Variants in NOC3L observed in about 807,000 individuals in gnomAD.
NOC3L encodes nucleolar complex protein 3 homolog.
NOC3L carries 85 observed loss-of-function variants against 102.5 expected under a neutral mutation model. That is an observed-to-expected ratio of 0.83 (90% CI 0.70 to 0.99). The LOEUF (loss-of-function observed/expected upper bound fraction) is 0.99, where lower values mean the gene tolerates loss of function less well. NOC3L is among the 50% of genes least tolerant of loss of function. The probability of loss-of-function intolerance (pLI) is 0.00; values close to 1 mark genes in which losing one functional copy is unlikely to be tolerated. For missense variants in NOC3L, 878 were observed against 914.9 expected (o/e 0.96, Z 0.52); for synonymous variants, 303 against 309.4 (o/e 0.98, Z 0.22).
intron 6 of NOC3L, among the ~76,000 whole-genome samples, chr10:94,353,900 T>C (rs1311056869): frequency 4.6e-5 from 7 of 152,234 alleles, no homozygotes; most frequent in African/African-American, 1.7e-4. Context: ...AGATAATTTC[T>C]ATGATGGTTT....
At chr10:94,346,096 G>C (rs1023104766) in intron 11 of NOC3L, among the ~76,000 whole-genome samples, 1 of 152,148 alleles carries the variant, frequency 6.6e-6, no homozygotes, top group East Asian at 1.9e-4. Context: ...AACTCACTTT[G>C]CTGCCAACTT....
Position 94,358,200 on chromosome 10 carries a change from C to T in NOC3L, c.233G>A (p.Arg78Lys), listed in dbSNP as rs992713034. Residue 78 changes from arginine (R) to lysine (K), a missense_variant, in exon 3 of 21, where the codon AGG becomes AAG. Transcript: ENST00000371361. ...GGCTTCTTCTTCTTCCTCTTCTTCCCTCTCAATCCTTTTACCTGTACCACA... is the reference window on the plus strand; with the variant it reads ...GGCTTCTTCTTCTTCCTCTTCTTCCTTCTCAATCCTTTTACCTGTACCACA... ...KEKRPGKRIEREEEEEEEALP... is the reference protein window; with the variant it reads ...KEKRPGKRIEKEEEEEEEALP... 1 of 1,541,188 alleles carries T rather than the reference C, an allele frequency of 6.5e-7. No individual in the cohort carries two copies. The highest frequency in any genetic ancestry group is 8.9e-7 in the Non-Finnish European group (1 of 1,117,992).
chr10:94,346,483 G>T lies in NOC3L; in HGVS notation c.1331C>A (p.Pro444Gln), dbSNP rs11187895. ...VKKDTEDINK[P>Q]KKFMTFKEKR... The stretch of plus-strand genomic sequence containing the variant: ...TTCTTTGAAAGTCATAAATTTTTTT[G>T]GTTTATTAATGTCTTCTGTATCTTT... Residue 444 changes from proline (P) to glutamine (Q), a missense_variant, in exon 11 of 21, where the codon CCA becomes CAA. Transcript: ENST00000371361. 2.0e-6 allele frequency: 3 copies of T among 1,495,346 alleles called. No homozygotes were observed. The highest frequency in any genetic ancestry group is 2.6e-5 in the East Asian group (1 of 38,774). The allele number at this position is 1,495,346 out of a possible 1,614,324, so 92.6% of individuals were successfully genotyped here.
chr10:94,351,288 T>G (rs1375793427), intron 8 of NOC3L, among the ~76,000 whole-genome samples: 1 of 143,706 alleles, frequency 7.0e-6, no homozygotes, highest in East Asian at 2.2e-4. Context: ...GCCAACAGGA[T>G]TCAGTGGTCC....
the NOC3L span, chr10:94,324,365 A>G: frequency 6.0e-4 from 962 of 1,614,108 alleles, 6 homozygotes; most frequent in African/African-American, 0.011. Context: ...TGCAAAGCCA[A>G]ATATTCCTAC....
chr10:94,330,735 AC>A (rs2054148799), downstream of NOC3L: 1 of 152,148 alleles, frequency 6.6e-6, no homozygotes, highest in African/African-American at 2.4e-5. Context: ...ACTATTATAC[AC>A]AAATGGCCAG....
At chr10:94,337,722 A>G (rs2054237555) in intron 19 of NOC3L, 55 bp downstream of exon 19, 1 of 1,154,000 alleles carries the variant, frequency 8.7e-7, no homozygotes, top group Admixed American at 1.8e-5. Context: ...TTCTCATAGT[A>G]AGTGGCTATC....
chr10:94,322,940 C>T, the NOC3L span, among the ~76,000 whole-genome samples: 2 of 152,258 alleles, frequency 1.3e-5, no homozygotes, highest in South Asian at 4.2e-4. Flanking sequence ...CTGGGCAACA[C>T]AGCCAGACCC....
intron 13 of NOC3L, among the ~76,000 whole-genome samples, chr10:94,342,217 T>A (rs2054294027): frequency 6.6e-6 from 1 of 152,112 alleles, no homozygotes; most frequent in Non-Finnish European, 1.5e-5. Context: ...ACCTGCGTGA[T>A]CCTAGGTAAC....
the NOC3L span, among the ~76,000 whole-genome samples, chr10:94,319,887 T>TTTTTTTTTTTTTTTG: frequency 7.0e-6 from 1 of 142,982 alleles, no homozygotes; most frequent in East Asian, 2.0e-4. Context: ...TTTTTTTTTT[T>TTTTTTTTTTTTTTTG]GAGATGGAGT....
At position 94,334,627 on chromosome 10, in the gene NOC3L, C is replaced by A. The variant is rs771916104; in HGVS notation, c.2274+7G>T. 1.1e-5 allele frequency: 18 copies of A among 1,601,556 alleles called. No individual in the cohort carries two copies. The highest frequency in any genetic ancestry group is 6.7e-5 in the East Asian group (3 of 44,738). On this transcript the variant is annotated splice_region_variant and intron_variant, in intron 20 of 20. Transcript: ENST00000371361. ...CTTCCTTTAAAAAAATGAAAAATAT[C>A]CCATACCTTTATTTTGGGGTTTGAA...
rs2054249166 is a variant in NOC3L at position 94,338,728 on chromosome 10, G to A, written c.1971C>T (p.Pro657=). 6.2e-7 allele frequency: 1 copy of A among 1,610,184 alleles called. No individual in the cohort carries two copies. Among genetic ancestry groups the A allele is most frequent in the Non-Finnish European group, 8.5e-7 (1 of 1,178,574 alleles). The stretch of plus-strand genomic sequence containing the variant: ...CACTGTCAAGCAGTAGATCTGTTTT[G>A]GGGAAAGTCTGCAAAAATGTCACAT... ...ATTRILMHTF[P]KTDLLLDSES... Residue 657 remains proline (P), a synonymous_variant, in exon 18 of 21, where the codon CCC becomes CCT. Transcript: ENST00000371361.
intron 1 of NOC3L, 77 bp from the exon 2 acceptor site, chr10:94,361,949 T>C: frequency 9.1e-7 from 1 of 1,101,206 alleles, no homozygotes; most frequent in Non-Finnish European, 1.3e-6. Context: ...TGATTACAAA[T>C]TTCATTAGAC....
chr10:94,322,798 G>A, the NOC3L span, among the ~76,000 whole-genome samples: 1 of 149,432 alleles, frequency 6.7e-6, no homozygotes, highest in Admixed American at 6.7e-5. Flanking sequence ...AAAAAAAAAA[G>A]TACAAAAATT....
chr10:94,361,692 A>G lies in NOC3L; in HGVS notation c.190T>C (p.Leu64=), dbSNP rs765787440. 37 of 1,614,020 alleles carry G rather than the reference A, an allele frequency of 2.3e-5. No homozygotes were observed. Among genetic ancestry groups the G allele is most frequent in the East Asian group, 2.0e-4 (9 of 44,882 alleles). ...GGTCGCTTTTCCTTTGGGTTCTCCA[A>G]TGGAATGGGTTTCTTAGACACAGCA... is the stretch of plus-strand genomic sequence containing the variant. ...KDAVSKKPIP[L]ENPKEKRPGK... The change falls in exon 2 of 21, where the codon TTG becomes CTG. Residue 64 remains leucine (L), a synonymous_variant. Coordinates refer to ENST00000371361, the MANE Select transcript of NOC3L (RefSeq NM_022451.11).
At chr10:94,362,200 C>T (rs1350905649) in intron 1 of NOC3L, among the ~76,000 whole-genome samples, 1 of 152,322 alleles carries the variant, frequency 6.6e-6, no homozygotes, top group Non-Finnish European at 1.5e-5. Flanking sequence ...AAAATGCTGG[C>T]TGTCTTTAAT....
At chr10:94,315,287 T>C in the NOC3L span, 2 of 398,200 alleles carry the variant, frequency 5.0e-6, no homozygotes, top group Middle Eastern at 7.3e-4. Flanking sequence ...GTGAGATGTG[T>C]TCGCTCTGGG....
At chr10:94,351,718 G>A (rs368985078) in intron 8 of NOC3L, among the ~76,000 whole-genome samples, 1 of 150,120 alleles carries the variant, frequency 6.7e-6, no homozygotes, top group African/African-American at 2.5e-5. Flanking sequence ...TTAGAGACAG[G>A]AGTCTCACTA....
chr10:94,324,465 G>T, the NOC3L span: 1 of 1,614,182 alleles, frequency 6.2e-7, no homozygotes, highest in Non-Finnish European at 8.5e-7. Flanking sequence ...CCACACCAAA[G>T]TCCTCTCAGC....
Sources: gnomAD v4.1 joint callset for allele counts (sites outside exome capture counted in the v4.1 genomes callset) on GRCh38, gnomAD v4.1.1 for gene constraint, MANE v1.5 for transcripts, NCBI Gene and HGNC (gene_info 2026-07-23, HGNC 2026-07-21) for gene names.